Variants in AUTS2 observed in about 807,000 individuals in gnomAD.
AUTS2 encodes the protein autism susceptibility gene 2 protein.
Under a neutral mutation model 112.4 loss-of-function variants are expected in AUTS2, and 17 were observed. That is an observed-to-expected ratio of 0.15 (90% CI 0.10 to 0.23). The LOEUF (loss-of-function observed/expected upper bound fraction) is 0.23. AUTS2 is among the 10% of genes least tolerant of loss of function. AUTS2 has a pLI of 1.00. For synonymous variants in AUTS2, 751 were observed against 702.7 expected, an observed-to-expected ratio of 1.07 and a Z score of -1.09; for missense variants, 1,510 against 1,701.6, an observed-to-expected ratio of 0.89 and a Z score of 1.98.
intron 1 of AUTS2, among the ~76,000 whole-genome samples, chr7:69,877,626 T>C (rs1245827636): frequency 6.6e-6 from 1 of 152,140 alleles, no homozygotes; most frequent in African/African-American, 2.4e-5. Flanking sequence ...CCACTTCTGA[T>C]AGTCCCCAGT....
intron 2 of AUTS2, among the ~76,000 whole-genome samples, chr7:69,966,896 GTCAA>G (rs1287623548): frequency 1.3e-5 from 2 of 152,050 alleles, no homozygotes; most frequent in Non-Finnish European, 1.5e-5. Context: ...TCTATAAAGC[GTCAA>G]TCATTTTTCC....
At chr7:69,881,669 C>A (rs1023107197) in intron 1 of AUTS2, among the ~76,000 whole-genome samples, 10 of 152,038 alleles carry the variant, frequency 6.6e-5, no homozygotes, top group African/African-American at 2.4e-4. Context: ...GCCAAACTTT[C>A]CTAAAGTTTC....
At chr7:70,502,594 A>G (rs2116648441) in intron 5 of AUTS2, among the ~76,000 whole-genome samples, 1 of 152,276 alleles carries the variant, frequency 6.6e-6, no homozygotes, top group Middle Eastern at 3.4e-3. Context: ...CCCCTGCAGA[A>G]AAGTAGCAAT....
At chr7:70,509,288 G>C (rs1799090948) in intron 5 of AUTS2, among the ~76,000 whole-genome samples, 1 of 152,176 alleles carries the variant, frequency 6.6e-6, no homozygotes, top group Non-Finnish European at 1.5e-5. Context: ...AGAGAGACTT[G>C]GGAATCCCAT....
At chr7:70,307,210 C>T (rs991895428) in intron 4 of AUTS2, among the ~76,000 whole-genome samples, 1 of 152,140 alleles carries the variant, frequency 6.6e-6, no homozygotes, top group Non-Finnish European at 1.5e-5. Context: ...CAAAATTGAA[C>T]ATTTCAGGAT....
chr7:70,323,627 C>T (rs1790355167), intron 4 of AUTS2, among the ~76,000 whole-genome samples: 1 of 152,180 alleles, frequency 6.6e-6, no homozygotes, highest in Admixed American at 6.5e-5. Flanking sequence ...TAAAGCCAGC[C>T]AACCATGCCA....
chr7:70,259,593 T>C (rs1290422354), intron 4 of AUTS2, among the ~76,000 whole-genome samples: 3 of 152,238 alleles, frequency 2.0e-5, no homozygotes, highest in African/African-American at 7.2e-5. Flanking sequence ...ACGGTGCTTA[T>C]GCCAAAGCCT....
chr7:70,581,212 C>A (rs1417322787), intron 5 of AUTS2, among the ~76,000 whole-genome samples: 9 of 152,074 alleles, frequency 5.9e-5, no homozygotes, highest in Admixed American at 4.6e-4. Context: ...GTGAAACCCC[C>A]ATCTCTACTA....
intron 2 of AUTS2, among the ~76,000 whole-genome samples, chr7:69,979,709 TA>T (rs1369033285): frequency 6.6e-6 from 1 of 152,232 alleles, no homozygotes; most frequent in Non-Finnish European, 1.5e-5. Flanking sequence ...TGACTTTCAT[TA>T]AGCCGTGTTA....
intron 6 of AUTS2, among the ~76,000 whole-genome samples, chr7:70,749,477 G>A (rs550124706): frequency 2.6e-5 from 4 of 152,298 alleles, no homozygotes; most frequent in African/African-American, 9.6e-5. Context: ...CATAGTGTGA[G>A]CTGGTAGATT....
chr7:70,285,904 CA>C (rs1190463201), intron 4 of AUTS2, among the ~76,000 whole-genome samples: 1 of 152,154 alleles, frequency 6.6e-6, no homozygotes, highest in South Asian at 2.1e-4. Context: ...CTATATGAAA[CA>C]AAGTTTGAAT....
intron 4 of AUTS2, among the ~76,000 whole-genome samples, chr7:70,320,702 G>C (rs192941472): frequency 3.5e-4 from 53 of 152,306 alleles, no homozygotes; most frequent in Non-Finnish European, 6.6e-4. Context: ...TGGAAGAAAA[G>C]GGGAAGAAGA....
intron 5 of AUTS2, among the ~76,000 whole-genome samples, chr7:70,509,554 A>G (rs1418987855): frequency 6.6e-6 from 1 of 152,204 alleles, no homozygotes; most frequent in Non-Finnish European, 1.5e-5. Flanking sequence ...AGATTAAACT[A>G]AGGTTTAAAA....
At chr7:70,567,742 C>T (rs1436296269) in intron 5 of AUTS2, among the ~76,000 whole-genome samples, 1 of 152,272 alleles carries the variant, frequency 6.6e-6, no homozygotes, top group East Asian at 1.9e-4. Flanking sequence ...AACTCATTTT[C>T]GTTCAAAGCA....
At chr7:69,721,968 A>G (rs1325685291) in intron 1 of AUTS2, among the ~76,000 whole-genome samples, 3 of 152,150 alleles carry the variant, frequency 2.0e-5, no homozygotes, top group Non-Finnish European at 4.4e-5. Flanking sequence ...TCTGATTGGT[A>G]AAGTTATTGA....
chr7:70,000,785 A>T (rs1257045240), intron 2 of AUTS2, among the ~76,000 whole-genome samples: 1 of 152,184 alleles, frequency 6.6e-6, no homozygotes, highest in African/African-American at 2.4e-5. Flanking sequence ...TTCTACTCAG[A>T]TTAGCAGATG....
intron 1 of AUTS2, among the ~76,000 whole-genome samples, chr7:69,697,765 C>T (rs1797617282): frequency 6.6e-6 from 1 of 152,166 alleles, no homozygotes. Context: ...AGACACTGTC[C>T]ACTGTGGCAG....
rs75453922 is a variant in AUTS2 at position 70,792,599 on chromosome 7, C to T, written c.*1603C>T. 1 of 147,526 alleles carries T rather than the reference C, an allele frequency of 6.8e-6. No homozygotes were observed. Among genetic ancestry groups the T allele is most frequent in the East Asian group, 2.0e-4 (1 of 5,068 alleles). 9.1% of individuals were successfully genotyped at this position (147,526 alleles called of 1,614,324 possible). ...TTGTGAGCTTCAGATTTTGTGAACT[C>T]CAGATGTTGTGCGGTGTTTTTTTTT... On this transcript the variant is annotated 3_prime_UTR_variant, in exon 19 of 19. Transcript: ENST00000342771.
At chr7:69,745,765 G>A (rs1787466684) in intron 1 of AUTS2, among the ~76,000 whole-genome samples, 1 of 152,156 alleles carries the variant, frequency 6.6e-6, no homozygotes, top group African/African-American at 2.4e-5. Flanking sequence ...ATGGTACATG[G>A]CATTTCTTCT....
Sources: gnomAD v4.1 joint callset for allele counts (sites outside exome capture counted in the v4.1 genomes callset) on GRCh38, gnomAD v4.1.1 for gene constraint, MANE v1.5 for transcripts, NCBI Gene and HGNC (gene_info 2026-07-23, HGNC 2026-07-21) for gene names.